NLGN1: variants seen among roughly 807,000 people sequenced by gnomAD.
NLGN1 encodes neuroligin 1, also known as neuroligin-1.
NLGN1 carries 12 observed loss-of-function variants against 65.5 expected under a neutral mutation model. The observed-to-expected ratio is 0.18, with a 90% CI of 0.12 to 0.30. NLGN1 has a LOEUF of 0.30. Among genes scored for constraint, NLGN1 ranks in the 10% least tolerant of loss-of-function variants. The pLI is 1.00. For missense variants in NLGN1, 750 were observed against 1,007.1 expected, an observed-to-expected ratio of 0.74 and a Z score of 3.46; for synonymous variants, 350 against 359.5, an observed-to-expected ratio of 0.97 and a Z score of 0.30.
chr3:174,049,920 G>A (rs964696605), intron 4 of NLGN1, among the ~76,000 whole-genome samples: 1 of 151,962 alleles, frequency 6.6e-6, no homozygotes, highest in African/African-American at 2.4e-5. Flanking sequence ...AATAGATGAG[G>A]ATAATGCGTT....
chr3:173,984,327 A>C (rs751861737), intron 4 of NLGN1, among the ~76,000 whole-genome samples: 20 of 152,186 alleles, frequency 1.3e-4, no homozygotes, highest in Non-Finnish European at 2.8e-4. Flanking sequence ...CTAGGGGCCT[A>C]CATATCTGCA....
At chr3:173,568,840 A>AT (rs997454016) in intron 2 of NLGN1, among the ~76,000 whole-genome samples, 14 of 151,582 alleles carry the variant, frequency 9.2e-5, no homozygotes, top group East Asian at 7.8e-4. Flanking sequence ...TGCCCAGCTA[A>AT]TTTTTTTTTC....
intron 4 of NLGN1, among the ~76,000 whole-genome samples, chr3:173,997,676 T>C (rs1722538791): frequency 6.6e-6 from 1 of 152,014 alleles, no homozygotes; most frequent in African/African-American, 2.4e-5. Flanking sequence ...GCATAGTGAG[T>C]TTAAGTAAAT....
chr3:174,249,779 G>A (rs1047100876), intron 4 of NLGN1, among the ~76,000 whole-genome samples: 10 of 152,176 alleles, frequency 6.6e-5, no homozygotes, highest in Admixed American at 2.0e-4. Context: ...AACCAGGGGA[G>A]TTTTCTCTCA....
chr3:173,764,577 G>A (rs1010389749), intron 3 of NLGN1, among the ~76,000 whole-genome samples: 1 of 152,160 alleles, frequency 6.6e-6, no homozygotes, highest in Admixed American at 6.5e-5. Flanking sequence ...AGATGGCATT[G>A]TCAGATGCCA....
intron 4 of NLGN1, among the ~76,000 whole-genome samples, chr3:173,982,031 T>C (rs1718892376): frequency 6.6e-6 from 1 of 152,070 alleles, no homozygotes; most frequent in Non-Finnish European, 1.5e-5. Flanking sequence ...AACTCAAACA[T>C]TTGAGGAATA....
intron 2 of NLGN1, among the ~76,000 whole-genome samples, chr3:173,489,699 C>T (rs909748104): frequency 2.0e-5 from 3 of 151,900 alleles, no homozygotes; most frequent in African/African-American, 7.3e-5. Context: ...ACAGTCCCAC[C>T]AACAGTGTAA....
chr3:174,105,618 A>G (rs1713555381), intron 4 of NLGN1, among the ~76,000 whole-genome samples: 1 of 148,140 alleles, frequency 6.8e-6, no homozygotes, highest in Non-Finnish European at 1.5e-5. Context: ...ACACCAGATC[A>G]TGTTTATTCA....
At chr3:174,169,201 T>C (rs1728081478) in intron 4 of NLGN1, among the ~76,000 whole-genome samples, 1 of 151,808 alleles carries the variant, frequency 6.6e-6, no homozygotes, top group Admixed American at 6.6e-5. Context: ...GCAGAGAGGG[T>C]ACTCCTGCAC....
intron 4 of NLGN1, among the ~76,000 whole-genome samples, chr3:174,181,406 A>C (rs575942597): frequency 6.6e-6 from 1 of 152,190 alleles, no homozygotes; most frequent in African/African-American, 2.4e-5. Context: ...AGTTTAAATT[A>C]AGTACCCCTC....
At chr3:173,787,009 G>A (rs574042984) in intron 3 of NLGN1, among the ~76,000 whole-genome samples, 5 of 151,994 alleles carry the variant, frequency 3.3e-5, no homozygotes, top group Admixed American at 6.6e-5. Context: ...CCCGTGGGGC[G>A]GAGGTTGCAG....
In NLGN1 at chr3:173,873,738, T is replaced by C. The variant is rs74443753; in HGVS notation, c.646+65906T>C. ...TCATCATCTCATTTCGGATATGGTA[T>C]TCCTTCAGCTGCACAGCCTGTCTCT... On this transcript the variant is annotated intron_variant, in intron 4 of 6. Coordinates refer to ENST00000457714, the Ensembl canonical transcript of NLGN1. 7.3e-3 allele frequency among the ~76,000 whole-genome samples: 1,118 copies of C among 152,292 alleles called. 21 individuals are homozygous for C. Among genetic ancestry groups the C allele is most frequent in the African/African-American group, 0.026 (1,065 of 41,550 alleles).
intron 4 of NLGN1, among the ~76,000 whole-genome samples, chr3:173,849,649 A>G (rs1260995324): frequency 2.6e-5 from 4 of 152,172 alleles, no homozygotes; most frequent in African/African-American, 9.7e-5. Context: ...GTCAAGGACT[A>G]TTGTGTAGTG....
chr3:174,090,451 G>A (rs972046995), intron 4 of NLGN1, among the ~76,000 whole-genome samples: 3 of 151,844 alleles, frequency 2.0e-5, no homozygotes, highest in Admixed American at 1.3e-4. Flanking sequence ...CTAGCCTGGG[G>A]GACAGAGCGA....
rs1029922982 is a variant in NLGN1 at position 173,570,343 on chromosome 3, TAGA to T, written c.-320-33935_-320-33933del. Among the ~76,000 whole-genome samples, 32 of 152,256 alleles carry T rather than the reference TAGA, an allele frequency of 2.1e-4. 1 individual carries two copies. Among genetic ancestry groups the T allele is most frequent in the Non-Finnish European group, 4.3e-4 (29 of 68,008 alleles). ...AAAGCCACAAGTAGCGCAGCATGCTTAGAGAGGCAGTGTGTGGAAAGAGAGATT... is the reference window on the plus strand; with the variant it reads ...AAAGCCACAAGTAGCGCAGCATGCTTGAGGCAGTGTGTGGAAAGAGAGATT... On this transcript the variant is annotated intron_variant, in intron 2 of 6. Transcript: ENST00000457714.
At chr3:173,775,023 G>A (rs1780098147) in intron 3 of NLGN1, among the ~76,000 whole-genome samples, 1 of 151,994 alleles carries the variant, frequency 6.6e-6, no homozygotes, top group African/African-American at 2.4e-5. Flanking sequence ...ATTCTTTAAA[G>A]CCTTTATAAG....
rs2149966178 is a variant in NLGN1, at chr3:173,714,587, G to A, written c.494-93093G>A. On this transcript the variant is annotated intron_variant, in intron 3 of 6. Coordinates refer to ENST00000457714, the Ensembl canonical transcript of NLGN1. ...GAGGTACATACAGGTTGCTGCTAGA[G>A]CAGCAAGTTAAGGGGAACCCATTTA... is the stretch of plus-strand genomic sequence containing the variant. Among the ~76,000 whole-genome samples the A allele has an allele frequency of 1.3e-5, 2 of 152,184 alleles. 1 individual carries two copies. Among genetic ancestry groups the A allele is most frequent in the South Asian group, 4.1e-4 (2 of 4,824 alleles).
intron 3 of NLGN1, among the ~76,000 whole-genome samples, chr3:173,709,837 A>G (rs1323015746): frequency 6.7e-6 from 1 of 149,714 alleles, no homozygotes; most frequent in Non-Finnish European, 1.5e-5. Context: ...ATCAAGAACC[A>G]TATGCGCCAA....
chr3:173,503,092 G>A (rs1372778151), intron 2 of NLGN1, among the ~76,000 whole-genome samples: 1 of 151,940 alleles, frequency 6.6e-6, no homozygotes, highest in East Asian at 1.9e-4. Flanking sequence ...TTGTGTGTGT[G>A]TGTGTGTGCG....
Sources: gnomAD v4.1 joint callset for allele counts (sites outside exome capture counted in the v4.1 genomes callset) on GRCh38, gnomAD v4.1.1 for gene constraint, MANE v1.5 for transcripts, NCBI Gene and HGNC (gene_info 2026-07-23, HGNC 2026-07-21) for gene names.